Variants in AGBL4 observed in about 807,000 individuals in gnomAD.
AGBL4 encodes the protein AGBL carboxypeptidase 4.
AGBL4 carries 58 observed loss-of-function variants against 66.4 expected under a neutral mutation model. The observed-to-expected ratio is 0.87, with a 90% CI of 0.71 to 1.09. The LOEUF (loss-of-function observed/expected upper bound fraction) is 1.09, where lower values mean the gene tolerates loss of function less well. Ranked by LOEUF, AGBL4 falls within the 50% of genes least tolerant of loss-of-function variation. AGBL4 has a pLI of 0.00. For missense variants in AGBL4, 579 were observed against 631.0 expected (o/e 0.92, Z 0.88); for synonymous variants, 234 against 222.9 (o/e 1.05, Z -0.44).
At chr1:49,790,313 G>A (rs1571572582) in intron 2 of AGBL4, among the ~76,000 whole-genome samples, 1 of 147,980 alleles carries the variant, frequency 6.8e-6, no homozygotes, top group South Asian at 2.2e-4. Context: ...GCAGTGAGCT[G>A]AGATCGCATG....
intron 3 of AGBL4, among the ~76,000 whole-genome samples, chr1:49,326,617 G>C (rs1570441228): frequency 6.6e-6 from 1 of 152,156 alleles, no homozygotes; most frequent in Non-Finnish European, 1.5e-5. Context: ...AAGAATGAGA[G>C]AAGGAAGAGA....
At chr1:49,392,155 A>T (rs963690195) in intron 3 of AGBL4, among the ~76,000 whole-genome samples, 1 of 152,192 alleles carries the variant, frequency 6.6e-6, no homozygotes, top group Non-Finnish European at 1.5e-5. Flanking sequence ...TAAATTTTTT[A>T]AAAGTAAATT....
At chr1:48,742,503 A>T in intron 6 of AGBL4, 1 of 1,043,394 alleles carries the variant, frequency 9.6e-7, no homozygotes, top group African/African-American at 1.6e-5. Flanking sequence ...ACAGTCATTC[A>T]GGGCTAGGCC....
rs1644243647 is a variant in AGBL4, at chr1:49,778,105, A to G, written c.157+73291T>C. Among the ~76,000 whole-genome samples, 3 of 152,124 alleles carry G rather than the reference A, an allele frequency of 2.0e-5. No individual in the cohort carries two copies. The South Asian group carries it at 6.2e-4, about 31-fold the overall frequency. ...AATCCAGGCAAGTACATCTGAGATA[A>G]TTGGGCTCCCATCCTCCATCCATCC... On this transcript the variant is annotated intron_variant, in intron 2 of 13. Transcript: ENST00000371839.
In AGBL4 at chr1:49,323,415, G is replaced by T. The variant is rs535624983; in HGVS notation, c.283-77551C>A. On this transcript the variant is annotated intron_variant, in intron 3 of 13. Coordinates refer to ENST00000371839, the MANE Select transcript of AGBL4 (RefSeq NM_032785.4). The stretch of plus-strand genomic sequence containing the variant: ...TCCTGCTTCAGCCTCTCTAGTAGCT[G>T]GGACTACAGGCGCACGCCGCCATGC... Among the ~76,000 whole-genome samples the T allele has an allele frequency of 2.6e-5, 4 of 151,186 alleles. No individual in the cohort carries two copies. In the East Asian group the frequency reaches 5.8e-4, roughly 22 times the overall value.
chr1:49,925,592 G>A (rs982440286), intron 1 of AGBL4, among the ~76,000 whole-genome samples: 2 of 152,140 alleles, frequency 1.3e-5, no homozygotes, highest in African/African-American at 4.8e-5. Context: ...TCTGATTCGG[G>A]CCATTGCTCT....
chr1:49,100,043 G>A (rs1284120330), intron 4 of AGBL4, among the ~76,000 whole-genome samples: 4 of 152,120 alleles, frequency 2.6e-5, no homozygotes, highest in Admixed American at 1.3e-4. Flanking sequence ...CAACTTGAGG[G>A]AGCTTGCAGC....
chr1:49,939,836 C>A (rs914559388), intron 1 of AGBL4, among the ~76,000 whole-genome samples: 23 of 152,154 alleles, frequency 1.5e-4, no homozygotes, highest in African/African-American at 4.8e-4. Context: ...GCAACAAAAG[C>A]CAAAATTGAC....
chr1:49,474,199 A>T (rs1646803940), intron 3 of AGBL4, among the ~76,000 whole-genome samples: 1 of 152,038 alleles, frequency 6.6e-6, no homozygotes, highest in African/African-American at 2.4e-5. Context: ...ATAGCATTGA[A>T]TCTGTAGATT....
intron 3 of AGBL4, among the ~76,000 whole-genome samples, chr1:49,265,606 G>C (rs953816814): frequency 2.0e-5 from 3 of 152,010 alleles, no homozygotes; most frequent in African/African-American, 7.2e-5. Flanking sequence ...ATCTTTCTGA[G>C]CCTGTTATTT....
chr1:49,176,074 A>G (rs1007712139), intron 4 of AGBL4, among the ~76,000 whole-genome samples: 8 of 152,130 alleles, frequency 5.3e-5, no homozygotes, highest in Non-Finnish European at 8.8e-5. Context: ...TTGTTTTTCC[A>G]TACTCTGTAG....
chr1:49,957,771 T>C (rs1319604451), intron 1 of AGBL4, among the ~76,000 whole-genome samples: 1 of 152,044 alleles, frequency 6.6e-6, no homozygotes, highest in Non-Finnish European at 1.5e-5. Context: ...TTGAGATGGG[T>C]CTCCTGAATA....
intron 3 of AGBL4, among the ~76,000 whole-genome samples, chr1:49,269,681 G>A (rs1311549473): frequency 6.6e-6 from 1 of 152,146 alleles, no homozygotes; most frequent in Non-Finnish European, 1.5e-5. Context: ...ACCATAACCT[G>A]TTTTGGCCAT....
Position 48,995,646 on chromosome 1 carries a change from G to A in AGBL4, c.594+49938C>T, listed in dbSNP as rs115593255. ...GAATGATCAGGAAAATATTCTCTGAGGAGGAGACCCAAAAAATGAAAACTT... is the reference window on the plus strand; with the variant it reads ...GAATGATCAGGAAAATATTCTCTGAAGAGGAGACCCAAAAAATGAAAACTT... On this transcript the variant is annotated intron_variant, in intron 5 of 13. Transcript: ENST00000371839. Among the ~76,000 whole-genome samples the A allele has an allele frequency of 3.4e-3, 514 of 152,304 alleles. 3 individuals carry two copies. The highest frequency in any genetic ancestry group is 0.012 in the African/African-American group (485 of 41,568).
At chr1:50,020,134 T>C (rs1238255442) in intron 1 of AGBL4, among the ~76,000 whole-genome samples, 2 of 152,016 alleles carry the variant, frequency 1.3e-5, no homozygotes, top group African/African-American at 4.8e-5. Flanking sequence ...ACCGGTCCCA[T>C]GATACACAGT....
chr1:49,117,830 T>C (rs952945479), intron 4 of AGBL4, among the ~76,000 whole-genome samples: 1 of 152,228 alleles, frequency 6.6e-6, no homozygotes, highest in African/African-American at 2.4e-5. Flanking sequence ...ATCTTCACTG[T>C]ATTGATTCTT....
chr1:48,573,021 C>A (rs975153187), intron 11 of AGBL4, among the ~76,000 whole-genome samples: 1 of 152,208 alleles, frequency 6.6e-6, no homozygotes, highest in Non-Finnish European at 1.5e-5. Context: ...CTAACACAGG[C>A]TGGGAATTAA....
chr1:49,337,975 G>A (rs553724299), intron 3 of AGBL4, among the ~76,000 whole-genome samples: 40 of 152,258 alleles, frequency 2.6e-4, no homozygotes, highest in Non-Finnish European at 4.6e-4. Context: ...GTGGGTGATG[G>A]GAAGGAGGAG....
At chr1:49,804,547 G>C (rs1288157422) in intron 2 of AGBL4, among the ~76,000 whole-genome samples, 1 of 152,092 alleles carries the variant, frequency 6.6e-6, no homozygotes, top group African/African-American at 2.4e-5. Context: ...CTCAGGCTTA[G>C]GAAAAATCAT....
Sources: allele counts gnomAD v4.1 joint callset (sites outside exome capture counted in the v4.1 genomes callset), GRCh38; gene constraint gnomAD v4.1.1; transcripts MANE v1.5; gene names NCBI Gene and HGNC (gene_info 2026-07-23, HGNC 2026-07-21).